CENPP: variants seen among roughly 807,000 people sequenced by gnomAD.
CENPP encodes the protein centromere protein P.
Under a neutral mutation model 35.6 loss-of-function variants are expected in CENPP, and 24 were observed. The ratio of observed to expected loss-of-function variants is 0.67; its 90% CI spans 0.49 to 0.95. CENPP has a LOEUF of 0.95. Among genes scored for constraint, CENPP ranks in the 40% least tolerant of loss-of-function variants. The probability of loss-of-function intolerance (pLI) is 0.00; values close to 1 mark genes in which losing one functional copy is unlikely to be tolerated. For synonymous variants in CENPP, 120 were observed against 125.5 expected, an observed-to-expected ratio of 0.96 and a Z score of 0.29; for missense variants, 332 against 345.3, an observed-to-expected ratio of 0.96 and a Z score of 0.31.
At chr9:92,331,225 G>A (rs753993135) in intron 1 of CENPP, among the ~76,000 whole-genome samples, 8 of 152,180 alleles carry the variant, frequency 5.3e-5, no homozygotes, top group Middle Eastern at 3.4e-3. Context: ...CTGTCGCCCA[G>A]GTTGGAGTGC....
At chr9:92,434,407 A>G (rs1027805932) in intron 5 of CENPP, among the ~76,000 whole-genome samples, 5 of 150,368 alleles carry the variant, frequency 3.3e-5, no homozygotes, top group African/African-American at 1.2e-4. Context: ...AAAAAAAAAT[A>G]GAATGAGTAA....
chr9:92,574,777 A>G (rs532457932), intron 5 of CENPP, among the ~76,000 whole-genome samples: 2 of 152,358 alleles, frequency 1.3e-5, no homozygotes, highest in Admixed American at 1.3e-4. Context: ...AATCTTCAAA[A>G]AGAACAAAGC....
intron 5 of CENPP, among the ~76,000 whole-genome samples, chr9:92,509,141 A>G (rs1052326400): frequency 4.6e-5 from 7 of 151,834 alleles, no homozygotes; most frequent in Admixed American, 1.3e-4. Context: ...TGCACAGAAC[A>G]TGGGGCACGC....
chr9:92,502,717 G>C, intron 5 of CENPP: 1 of 1,294,658 alleles, frequency 7.7e-7, no homozygotes, highest in East Asian at 2.5e-5. Flanking sequence ...ATTTCATGGA[G>C]ACTAAAATAG....
chr9:92,612,403 T>C (rs928860403), intron 6 of CENPP, 120 bp from the exon 7 acceptor site: 30 of 728,146 alleles, frequency 4.1e-5, no homozygotes, highest in African/African-American at 2.4e-4. Flanking sequence ...TGGCTGTGGA[T>C]TGGGGTTTCT....
At chr9:92,449,176 C>T (rs1273300584) in intron 5 of CENPP, among the ~76,000 whole-genome samples, 1 of 152,236 alleles carries the variant, frequency 6.6e-6, no homozygotes, top group East Asian at 1.9e-4. Context: ...GGTGTGGTGG[C>T]TCAAGCCTGT....
intron 4 of CENPP, among the ~76,000 whole-genome samples, chr9:92,352,243 G>A (rs534288527): frequency 2.0e-5 from 3 of 149,980 alleles, no homozygotes; most frequent in Non-Finnish European, 4.4e-5. Flanking sequence ...GGTGGTGGGC[G>A]CCTGTATCCC....
At chr9:92,447,277 T>G (rs1844578052) in intron 5 of CENPP, among the ~76,000 whole-genome samples, 1 of 151,986 alleles carries the variant, frequency 6.6e-6, no homozygotes, top group Non-Finnish European at 1.5e-5. Context: ...ATCACCATCA[T>G]GTAGAATCAG....
intron 5 of CENPP, chr9:92,416,625 T>C: frequency 6.5e-7 from 1 of 1,529,016 alleles, no homozygotes. Flanking sequence ...ATACTTTCTA[T>C]TTCATTATTT....
intron 4 of CENPP, among the ~76,000 whole-genome samples, chr9:92,358,259 T>A (rs187394066): frequency 6.6e-6 from 1 of 152,178 alleles, no homozygotes; most frequent in African/African-American, 2.4e-5. Flanking sequence ...TTTTTTTTCT[T>A]TTTAATGGAG....
chr9:92,544,649 A>G (rs932785770), intron 5 of CENPP, among the ~76,000 whole-genome samples: 2 of 151,980 alleles, frequency 1.3e-5, no homozygotes, highest in South Asian at 2.1e-4. Context: ...AGACTGATGC[A>G]TGAAAAAAGG....
intron 5 of CENPP, among the ~76,000 whole-genome samples, chr9:92,443,247 G>A (rs62572483): frequency 0.037 from 5,674 of 152,140 alleles, 132 homozygotes; most frequent in Middle Eastern, 0.054. Context: ...GCAGGATTTA[G>A]CAAGACTGCT....
chr9:92,511,985 A>G lies in CENPP; in HGVS notation c.565-99329A>G, dbSNP rs529992696. The G allele has an allele frequency of 1.9e-6, 3 of 1,551,398 alleles. No homozygotes were observed. The South Asian group carries it at 3.5e-5, about 18-fold the overall frequency. On this transcript the variant is annotated intron_variant, in intron 5 of 7. Transcript: ENST00000375587. ...AGTCATAGTGAAGCCATTCATCCAA[A>G]TAGACAAATCAGAGCATGTATTTAC...
chr9:92,327,684 A>G (rs1840605882), intron 1 of CENPP, among the ~76,000 whole-genome samples: 1 of 152,212 alleles, frequency 6.6e-6, no homozygotes, highest in South Asian at 2.1e-4. Context: ...ATCAAAAGAA[A>G]ATTTTTGAAA....
chr9:92,506,235 A>T (rs1847001413), intron 5 of CENPP, among the ~76,000 whole-genome samples: 1 of 152,208 alleles, frequency 6.6e-6, no homozygotes, highest in South Asian at 2.1e-4. Flanking sequence ...TGAACAAGGG[A>T]GTCAGAAGTA....
At position 92,497,968 on chromosome 9, in the gene CENPP, C is replaced by T. The variant is rs141050197; in HGVS notation, c.565-113346C>T. On this transcript the variant is annotated intron_variant, in intron 5 of 7. Transcript: ENST00000375587. ...TCTCTACACACTCCATCTCCCCTTC[C>T]ACCATGAGTGGAAGCAGCCTGAAGG... Among the ~76,000 whole-genome samples the T allele has an allele frequency of 1.7e-3, 255 of 152,176 alleles. 3 individuals are homozygous for T. The highest frequency in any genetic ancestry group is 3.4e-3 in the Middle Eastern group (1 of 294).
intron 5 of CENPP, among the ~76,000 whole-genome samples, chr9:92,414,012 A>G (rs1329548779): frequency 6.6e-6 from 1 of 152,164 alleles, no homozygotes; most frequent in Non-Finnish European, 1.5e-5. Flanking sequence ...CTAGATTGGT[A>G]TTTGTCCCTT....
rs36113641 is a variant in CENPP, at chr9:92,542,508, C to CT, written c.565-68794dup. Among the ~76,000 whole-genome samples, 240 of 145,778 alleles carry CT rather than the reference C, an allele frequency of 1.6e-3. 2 individuals carry two copies. In the East Asian group the frequency reaches 0.027, roughly 16 times the overall value. ...ATTTCCCCTATGTTTTCTTTTCTTT[C>CT]TTTTTTTTTTTTGAGATGGAGTCTC... On this transcript the variant is annotated intron_variant, in intron 5 of 7. Coordinates refer to ENST00000375587, the MANE Select transcript of CENPP (RefSeq NM_001012267.3).
chr9:92,487,279 C>T (rs1296139595), intron 5 of CENPP, among the ~76,000 whole-genome samples: 4 of 152,108 alleles, frequency 2.6e-5, no homozygotes, highest in Non-Finnish European at 5.9e-5. Context: ...AGAAATGGCC[C>T]ACAACAGGTC....
Sources: gnomAD v4.1 joint callset for allele counts (sites outside exome capture counted in the v4.1 genomes callset) on GRCh38, gnomAD v4.1.1 for gene constraint, MANE v1.5 for transcripts, NCBI Gene and HGNC (gene_info 2026-07-23, HGNC 2026-07-21) for gene names.